The following PLOD2 variants were observed in gnomAD, a reference collection of about 807,000 sequenced individuals.
PLOD2 encodes procollagen-lysine,2-oxoglutarate 5-dioxygenase 2.
PLOD2 carries 65 observed loss-of-function variants against 101.0 expected under a neutral mutation model. That is an observed-to-expected ratio of 0.64 (90% confidence interval 0.53 to 0.79). PLOD2 has a LOEUF of 0.79. Among genes scored for constraint, PLOD2 ranks in the 30% least tolerant of loss-of-function variants. The probability of loss-of-function intolerance (pLI) is 0.00; values close to 1 mark genes in which losing one functional copy is unlikely to be tolerated. For synonymous variants in PLOD2, 314 were observed against 302.9 expected (o/e 1.04, Z -0.38); for missense variants, 909 against 914.6 (o/e 0.99, Z 0.08).
intron 3 of PLOD2, among the ~76,000 whole-genome samples, chr3:146,116,355 A>G (rs1403664180): frequency 6.6e-6 from 1 of 152,144 alleles, no homozygotes; most frequent in East Asian, 1.9e-4. Flanking sequence ...AAAATGATTA[A>G]AATTATTTTA....
At chr3:146,081,639 G>A (rs1423879485) in intron 12 of PLOD2, 99 bp downstream of exon 12, 1 of 949,446 alleles carries the variant, frequency 1.1e-6, no homozygotes, top group Admixed American at 1.9e-5. Context: ...TAACTATAAA[G>A]AAAAGAGATG....
chr3:146,124,195 T>G lies in PLOD2; in HGVS notation c.144A>C (p.Glu48Asp), dbSNP rs1436860978. The G allele has an allele frequency of 6.3e-7, 1 of 1,597,410 alleles. No individual in the cohort carries two copies. The highest frequency in any genetic ancestry group is 1.3e-5 in the African/African-American group (1 of 74,548). ...GCATAAATCGATGGAATCCATCACTTTCTTTTGTTGCTACAGTTATGACTA... is the reference window on the plus strand; with the variant it reads ...GCATAAATCGATGGAATCCATCACTGTCTTTTGTTGCTACAGTTATGACTA... ...KLLVITVATK[E>D]SDGFHRFMQS... The change falls in exon 2 of 20, where the codon GAA becomes GAC. Residue 48 changes from glutamate (E) to aspartate (D), a missense_variant. Glu to Asp is a conservative substitution (Grantham distance 45, BLOSUM62 2). Transcript: ENST00000282903.
chr3:146,114,259 G>C (rs1216094708), intron 3 of PLOD2, among the ~76,000 whole-genome samples: 1 of 151,938 alleles, frequency 6.6e-6, no homozygotes. Context: ...GTGTGCCTCT[G>C]TGACCCACAC....
At chr3:146,152,364 G>A (rs1006142983) in intron 1 of PLOD2, among the ~76,000 whole-genome samples, 4 of 151,930 alleles carry the variant, frequency 2.6e-5, no homozygotes, top group Non-Finnish European at 4.4e-5. Context: ...AGGTTGCAGT[G>A]AGCCGAGATT....
At chr3:146,090,197 C>T (rs1195789642) in intron 8 of PLOD2, among the ~76,000 whole-genome samples, 1 of 151,204 alleles carries the variant, frequency 6.6e-6, no homozygotes, top group African/African-American at 2.4e-5. Context: ...TATGACTTTA[C>T]ATATAAAGAA....
chr3:146,099,084 T>G (rs1937296540), intron 7 of PLOD2, among the ~76,000 whole-genome samples: 2 of 152,132 alleles, frequency 1.3e-5, no homozygotes, highest in African/African-American at 4.8e-5. Flanking sequence ...TCTAATAGAA[T>G]AACAAAATGA....
At chr3:146,071,487 TA>T in intron 17 of PLOD2, 64 bp from the exon 18 acceptor site, 1 of 1,489,918 alleles carries the variant, frequency 6.7e-7, no homozygotes, top group South Asian at 1.1e-5. Context: ...TATATTATAG[TA>T]TTTTTTTTCA....
At chr3:146,158,671 G>T (rs4681302) in intron 1 of PLOD2, among the ~76,000 whole-genome samples, 56,827 of 126,774 alleles carry the variant, frequency 0.45, 10,973 homozygotes, top group South Asian at 0.51. Flanking sequence ...GGCCTTTTTT[G>T]TTTTTTTGGT....
At chr3:146,096,077 C>T (rs1405591887) in intron 7 of PLOD2, among the ~76,000 whole-genome samples, 5 of 149,888 alleles carry the variant, frequency 3.3e-5, no homozygotes, top group Admixed American at 6.6e-5. Flanking sequence ...TTGGTGGAGA[C>T]GGGGTTTCGC....
At position 146,095,679 on chromosome 3, in the gene PLOD2, C is replaced by A. The variant is rs1937124332; in HGVS notation, c.778-3778G>T. Among the ~76,000 whole-genome samples, 9 of 152,190 alleles carry A rather than the reference C, an allele frequency of 5.9e-5. No individual in the cohort carries two copies. In the South Asian group the frequency reaches 1.9e-3, roughly 32 times the overall value. ...CCTCAAGGATCTAGAACCAGAAATACCATTTGACCCAGTAATCTCATTACA... is the reference window on the plus strand; with the variant it reads ...CCTCAAGGATCTAGAACCAGAAATAACATTTGACCCAGTAATCTCATTACA... On this transcript the variant is annotated intron_variant, in intron 7 of 19. Transcript: ENST00000282903.
intron 5 of PLOD2, among the ~76,000 whole-genome samples, 196 bp from the exon 6 acceptor site, chr3:146,104,538 A>G (rs1199143066): frequency 6.6e-6 from 1 of 152,220 alleles, no homozygotes; most frequent in Non-Finnish European, 1.5e-5. Context: ...CTCATTGCAA[A>G]ATACACTTAA....
At chr3:146,134,561 A>T (rs2108114941) in intron 1 of PLOD2, among the ~76,000 whole-genome samples, 1 of 152,354 alleles carries the variant, frequency 6.6e-6, no homozygotes, top group Admixed American at 6.5e-5. Flanking sequence ...AGAGAATATG[A>T]ACTGCCTGCC....
intron 6 of PLOD2, among the ~76,000 whole-genome samples, 195 bp from the exon 7 acceptor site, chr3:146,103,047 TGA>T (rs1160761666): frequency 6.6e-6 from 1 of 152,124 alleles, no homozygotes; most frequent in Non-Finnish European, 1.5e-5. Context: ...AGGATGACAG[TGA>T]CAACAGATAC....
intron 3 of PLOD2, among the ~76,000 whole-genome samples, chr3:146,112,416 C>A (rs549853364): frequency 6.6e-6 from 1 of 151,970 alleles, no homozygotes; most frequent in Admixed American, 6.6e-5. Context: ...CCAAACACCA[C>A]GTGTTCTCAC....
intron 7 of PLOD2, among the ~76,000 whole-genome samples, chr3:146,094,181 A>T (rs1937070001): frequency 1.3e-5 from 2 of 152,180 alleles, no homozygotes; most frequent in Non-Finnish European, 2.9e-5. Context: ...TCCAAGTATG[A>T]TGTCATTTTC....
rs750902795 is a variant in PLOD2 at position 146,121,277 on chromosome 3, G to A, written c.202-29C>T. Reference sequence around the variant, plus strand: ...TAAACAAAATCAACATTTCATTCCTGAGCAAAACTCAAATTATGAAAGTAC... The same window carrying A: ...TAAACAAAATCAACATTTCATTCCTAAGCAAAACTCAAATTATGAAAGTAC... On this transcript the variant is annotated intron_variant, in intron 2 of 19. Coordinates refer to ENST00000282903, the MANE Select transcript of PLOD2 (RefSeq NM_182943.3). 11 of 1,602,978 alleles carry A rather than the reference G, an allele frequency of 6.9e-6. No individual in the cohort carries two copies. In the South Asian group the frequency reaches 7.7e-5, roughly 11 times the overall value.
Position 146,106,662 on chromosome 3 carries a change from G to GA in PLOD2, c.503-19dup. The GA allele has an allele frequency of 1.6e-6, 2 of 1,221,108 alleles. No homozygotes were observed. The allele number at this position is 1,221,108 out of a possible 1,614,324, so 75.6% of individuals were successfully genotyped here. A position where few individuals can be genotyped will look rare whatever the true frequency, so the allele number is the denominator to read the frequency against. On this transcript the variant is annotated intron_variant, in intron 4 of 19. Coordinates refer to ENST00000282903, the MANE Select transcript of PLOD2 (RefSeq NM_182943.3). ...AATAAATCCTGCAACACAGCAGAGA[G>GA]AAAGTAGATAATTTAGGATTCAAAG...
intron 14 of PLOD2, chr3:146,077,223 C>G: frequency 1.0e-6 from 1 of 998,588 alleles, no homozygotes; most frequent in Non-Finnish European, 1.2e-6. Flanking sequence ...TTTTGAGACA[C>G]AGTGCAATGA....
At position 146,086,878 on chromosome 3, in the gene PLOD2, AT is replaced by A. The variant is rs1559840313; in HGVS notation, c.1035del (p.Phe347LeufsTer11). On this transcript the variant is annotated frameshift_variant, in exon 10 of 20. Transcript: ENST00000282903. LOFTEE classifies it high-confidence loss of function. ...KEVYHEKDIK[V>X]FFDKAKHEIK... Reference sequence around the variant, plus strand: ...ATTTCATGCTTAGCTTTATCAAAAAATACCTTGATGTCCTTTTCATGATAAA... The same window carrying A: ...ATTTCATGCTTAGCTTTATCAAAAAAACCTTGATGTCCTTTTCATGATAAA... 6.6e-7 allele frequency: 1 copy of A among 1,522,812 alleles called. No homozygotes were observed. 94.3% of individuals were successfully genotyped at this position (1,522,812 alleles called of 1,614,324 possible). A position where few individuals can be genotyped will look rare whatever the true frequency, so the allele number is the denominator to read the frequency against.
Sources: allele counts gnomAD v4.1 joint callset (sites outside exome capture counted in the v4.1 genomes callset), GRCh38; gene constraint gnomAD v4.1.1; transcripts MANE v1.5; gene names NCBI Gene and HGNC (gene_info 2026-07-23, HGNC 2026-07-21).